The following USP40 variants were observed in gnomAD, a reference collection of about 807,000 sequenced individuals.
The protein encoded by USP40 is ubiquitin carboxyl-terminal hydrolase 40.
Under a neutral mutation model 166.2 loss-of-function variants are expected in USP40, and 143 were observed. The ratio of observed to expected loss-of-function variants is 0.86; its 90% confidence interval spans 0.75 to 0.99. USP40 has a LOEUF of 0.99. USP40 is among the 50% of genes least tolerant of loss of function. The pLI is 0.00. For missense variants in USP40, 1,444 were observed against 1,479.7 expected (o/e 0.98, Z 0.40); for synonymous variants, 498 against 524.0 (o/e 0.95, Z 0.68).
intron 10 of USP40, among the ~76,000 whole-genome samples, chr2:233,538,939 G>A (rs1340315627): frequency 6.6e-6 from 1 of 152,216 alleles, no homozygotes; most frequent in Non-Finnish European, 1.5e-5. Flanking sequence ...TGAGCTAGGA[G>A]GATCACGTGG....
At chr2:233,511,915 G>C (rs2066868379) in intron 19 of USP40, 118 bp from the exon 20 acceptor site, 6 of 794,074 alleles carry the variant, frequency 7.6e-6, no homozygotes, top group Middle Eastern at 2.5e-4. Context: ...AGAAAAATGA[G>C]TTGCACTTCA....
chr2:233,553,152 C>T (rs995223315), intron 6 of USP40, among the ~76,000 whole-genome samples: 2 of 152,130 alleles, frequency 1.3e-5, no homozygotes, highest in African/African-American at 4.8e-5. Context: ...GACATAGATA[C>T]ATTTATCTAT....
intron 21 of USP40, among the ~76,000 whole-genome samples, chr2:233,504,497 A>C (rs2066280720): frequency 6.6e-6 from 1 of 152,090 alleles, no homozygotes; most frequent in African/African-American, 2.4e-5. Flanking sequence ...AGCCACATTT[A>C]TGTCAGGTAA....
At chr2:233,553,410 C>T (rs1243496205) in intron 6 of USP40, among the ~76,000 whole-genome samples, 1 of 152,154 alleles carries the variant, frequency 6.6e-6, no homozygotes, top group African/African-American at 2.4e-5. Context: ...ATGTCCATCT[C>T]CCTTAGAACA....
At chr2:233,477,639 A>C in intron 31 of USP40, 136 bp from the exon 32 acceptor site, 5 of 756,436 alleles carry the variant, frequency 6.6e-6, no homozygotes, top group Non-Finnish European at 1.1e-5. Context: ...GACAGATCTC[A>C]GCCACCTGCC....
intron 21 of USP40, among the ~76,000 whole-genome samples, chr2:233,506,233 G>A (rs1407464569): frequency 6.6e-6 from 1 of 152,160 alleles, no homozygotes; most frequent in African/African-American, 2.4e-5. Flanking sequence ...GATGTGCCAA[G>A]AACACACATT....
chr2:233,498,414 A>G, intron 23 of USP40, 134 bp downstream of exon 23: 1 of 777,016 alleles, frequency 1.3e-6, no homozygotes, highest in Non-Finnish European at 2.0e-6. Flanking sequence ...AAAAAAGTAA[A>G]ATAGACCCAT....
intron 22 of USP40, among the ~76,000 whole-genome samples, chr2:233,499,039 G>A (rs1391143305): frequency 6.6e-6 from 1 of 152,040 alleles, no homozygotes; most frequent in Non-Finnish European, 1.5e-5. Context: ...AGGATGTGCA[G>A]GCCTGTTACA....
chr2:233,498,687 G>A (rs1175948961), intron 22 of USP40, 75 bp from the exon 23 acceptor site: 1 of 1,256,864 alleles, frequency 8.0e-7, no homozygotes, highest in African/African-American at 1.5e-5. Flanking sequence ...CTAGAAGAAT[G>A]TCTTGCACCC....
intron 23 of USP40, among the ~76,000 whole-genome samples, chr2:233,497,400 G>C (rs1303151248): frequency 6.6e-6 from 1 of 152,216 alleles, no homozygotes; most frequent in East Asian, 1.9e-4. Context: ...AGCAGGGAAC[G>C]CCTGGGCCCA....
rs1314910761 is a variant in USP40 at position 233,521,111 on chromosome 2, C to T, written c.2205G>A (p.Leu735=). 3 of 1,610,140 alleles carry T rather than the reference C, an allele frequency of 1.9e-6. No individual in the cohort carries two copies. The highest frequency in any genetic ancestry group is 2.5e-6 in the Non-Finnish European group (3 of 1,178,584). Residue 735 remains leucine (L), a synonymous_variant, in exon 17 of 32, where the codon TTG becomes TTA. Transcript: ENST00000678225. ...TGACCCATTTCTCTTCCTTGGTCAA[C>T]AAGCTGTAGGTAAAAAGAAAAGATC... The part of the protein sequence containing the change: ...LIQDSHDDNS[L]LTKEEKWVTS...
intron 21 of USP40, among the ~76,000 whole-genome samples, chr2:233,500,992 TAA>T (rs1356948075): frequency 6.6e-6 from 1 of 152,102 alleles, no homozygotes; most frequent in Non-Finnish European, 1.5e-5. Flanking sequence ...CCTAGAAGTT[TAA>T]AAAGTGAGAA....
At chr2:233,539,779 A>G (rs1336133568) in intron 10 of USP40, among the ~76,000 whole-genome samples, 1 of 152,170 alleles carries the variant, frequency 6.6e-6, no homozygotes, top group Non-Finnish European at 1.5e-5. Context: ...AAAATACTTT[A>G]AAATAAGAAC....
chr2:233,479,723 G>A (rs1320232321), intron 31 of USP40, among the ~76,000 whole-genome samples: 2 of 151,814 alleles, frequency 1.3e-5, no homozygotes, highest in East Asian at 3.9e-4. Context: ...CCATATCCCA[G>A]GTCTCTGAGG....
Position 233,565,576 on chromosome 2 carries a change from T to TA in USP40, c.-19-4dup, listed in dbSNP as rs60563116. ...ACATTGTGAAACTAAATACTACCCT[T>TA]AAAAAAAGTGACATATAAATGCTTT... is the stretch of plus-strand genomic sequence containing the variant. On this transcript the variant is annotated splice_region_variant and splice_polypyrimidine_tract_variant and intron_variant, in intron 1 of 31. Transcript: ENST00000678225. 3,924 of 1,527,476 alleles carry TA rather than the reference T, an allele frequency of 2.6e-3. 94 individuals carry two copies. The African/African-American group carries it at 0.045, about 18-fold the overall frequency. The allele number at this position is 1,527,476 out of a possible 1,614,324, so 94.6% of individuals were successfully genotyped here. A position where few individuals can be genotyped will look rare whatever the true frequency, so the allele number is the denominator to read the frequency against.
chr2:233,479,002 C>T (rs1157115987), intron 31 of USP40, among the ~76,000 whole-genome samples: 1 of 152,050 alleles, frequency 6.6e-6, no homozygotes, highest in Non-Finnish European at 1.5e-5. Flanking sequence ...AAATGAAAAA[C>T]AATATAGTAA....
At chr2:233,498,009 G>T (rs6704644) in intron 23 of USP40, among the ~76,000 whole-genome samples, 14,029 of 152,246 alleles carry the variant, frequency 0.092, 689 homozygotes, top group South Asian at 0.13. Flanking sequence ...CTAAGGCTAC[G>T]CATTTGAACT....
At chr2:233,513,020 T>C (rs2066940294) in intron 18 of USP40, 1 of 152,402 alleles carries the variant, frequency 6.6e-6, no homozygotes, top group South Asian at 2.1e-4. Context: ...GAAAAAACAG[T>C]AAAACCAATA....
At chr2:233,488,044 T>C in intron 28 of USP40, 195 bp downstream of exon 28, 1 of 711,916 alleles carries the variant, frequency 1.4e-6, no homozygotes, top group South Asian at 1.5e-5. Flanking sequence ...CCTTACTGTT[T>C]TTATGGGAGA....
Sources: gnomAD v4.1 joint callset for allele counts (sites outside exome capture counted in the v4.1 genomes callset) on GRCh38, gnomAD v4.1.1 for gene constraint, MANE v1.5 for transcripts, NCBI Gene and HGNC (gene_info 2026-07-23, HGNC 2026-07-21) for gene names.